The following FRAS1 variants were observed in gnomAD, a reference collection of about 807,000 sequenced individuals.
The protein encoded by FRAS1 is extracellular matrix organizing protein FRAS1.
In FRAS1, 290 loss-of-function variants were observed where a neutral mutation model predicts 435.2. The observed-to-expected ratio is 0.67, with a 90% confidence interval of 0.61 to 0.73. FRAS1 has a LOEUF of 0.73. Among genes scored for constraint, FRAS1 ranks in the 30% least tolerant of loss-of-function variants. FRAS1 has a pLI of 0.00. For missense variants in FRAS1, 4,860 were observed against 5,001.5 expected (o/e 0.97, Z 0.85); for synonymous variants, 1,800 against 1,851.0 (o/e 0.97, Z 0.71).
intron 29 of FRAS1, among the ~76,000 whole-genome samples, chr4:78,394,328 G>A (rs1336563391): frequency 6.6e-6 from 1 of 151,916 alleles, no homozygotes; most frequent in Non-Finnish European, 1.5e-5. Flanking sequence ...TTTTCTTCTA[G>A]GTCTTTCACA....
intron 14 of FRAS1, among the ~76,000 whole-genome samples, chr4:78,288,904 C>A (rs764024083): frequency 9.2e-5 from 14 of 152,250 alleles, no homozygotes; most frequent in South Asian, 4.1e-4. Context: ...TCTTCCAATA[C>A]GTGCTAAACT....
At chr4:78,457,775 C>G (rs1336314940) in intron 47 of FRAS1, among the ~76,000 whole-genome samples, 2 of 152,184 alleles carry the variant, frequency 1.3e-5, no homozygotes, top group African/African-American at 2.4e-5. Context: ...AAATTTTCCA[C>G]TTTCTACTTT....
intron 29 of FRAS1, among the ~76,000 whole-genome samples, chr4:78,399,338 G>A (rs1338536018): frequency 6.6e-6 from 1 of 152,112 alleles, no homozygotes; most frequent in East Asian, 1.9e-4. Context: ...TTCTTCTCCT[G>A]GGAGTGGTGT....
In FRAS1 at chr4:78,287,063, C is replaced by T. The variant is rs1382024119; in HGVS notation, c.1534+524C>T. Among the ~76,000 whole-genome samples the T allele has an allele frequency of 5.9e-5, 9 of 152,112 alleles. No individual in the cohort carries two copies. In the East Asian group the frequency reaches 1.7e-3, roughly 29 times the overall value. On this transcript the variant is annotated intron_variant, in intron 14 of 73. Coordinates refer to ENST00000512123, the MANE Select transcript of FRAS1 (RefSeq NM_025074.7). Reference sequence around the variant, plus strand: ...AAAGAGGTTTCATTGACTCACAGTTCTGCGTGGCTGGAGAGGCCTCAGGAA... The same window carrying T: ...AAAGAGGTTTCATTGACTCACAGTTTTGCGTGGCTGGAGAGGCCTCAGGAA...
At position 78,318,950 on chromosome 4, in the gene FRAS1, G is replaced by A. The variant is rs1185980441; in HGVS notation, c.2101G>A (p.Ala701Thr). 1.2e-6 allele frequency: 2 copies of A among 1,613,538 alleles called. No homozygotes were observed. The highest frequency in any genetic ancestry group is 1.7e-5 in the Admixed American group (1 of 59,966). ...TGGCGAGTGTCTAGCCCAGTGTAGA[G>A]CCCATTTTTACTTGGAGAGCACTGG... Reference protein sequence around the residue: ...PSGECLAQCRAHFYLESTGIC... With the variant: ...PSGECLAQCRTHFYLESTGIC... Residue 701 changes from alanine (A) to threonine (T), a missense_variant, in exon 18 of 74, where the codon GCC (alanine) becomes ACC (threonine). Physicochemically the swap from Ala to Thr is moderately conservative, Grantham distance 58 (BLOSUM62 0). Transcript: ENST00000512123.
At chr4:78,426,531 AAAGCCC>A (rs1734005052) in intron 35 of FRAS1, among the ~76,000 whole-genome samples, 1 of 152,200 alleles carries the variant, frequency 6.6e-6, no homozygotes, top group African/African-American at 2.4e-5. Context: ...AAGGCAGGAA[AAAGCCC>A]AAGAGCTGAC....
intron 2 of FRAS1, among the ~76,000 whole-genome samples, chr4:78,086,876 C>T (rs1396693073): frequency 2.6e-5 from 4 of 152,162 alleles, no homozygotes; most frequent in Non-Finnish European, 4.4e-5. Context: ...CCTTCTGAAA[C>T]TATTCCAATC....
At chr4:78,390,294 A>T (rs918504044) in intron 29 of FRAS1, among the ~76,000 whole-genome samples, 1 of 152,192 alleles carries the variant, frequency 6.6e-6, no homozygotes, top group African/African-American at 2.4e-5. Context: ...TAGGCACTAA[A>T]GCTTGATGGG....
At chr4:78,108,495 G>A (rs1467701016) in intron 2 of FRAS1, among the ~76,000 whole-genome samples, 1 of 93,400 alleles carries the variant, frequency 1.1e-5, no homozygotes, top group African/African-American at 4.8e-5. Context: ...GCTCCTGAAT[G>A]ACTACTGGGT....
intron 3 of FRAS1, 52 bp from the exon 4 acceptor site, chr4:78,245,181 G>A: frequency 8.0e-7 from 1 of 1,246,088 alleles, no homozygotes; most frequent in Admixed American, 1.9e-5. Context: ...GAACTATTGT[G>A]ACTTGGTGTG....
At chr4:78,410,614 G>C (rs1345065695) in intron 31 of FRAS1, among the ~76,000 whole-genome samples, 1 of 152,130 alleles carries the variant, frequency 6.6e-6, no homozygotes. Flanking sequence ...GTCCTCCATA[G>C]TGGCAGTGTA....
intron 20 of FRAS1, among the ~76,000 whole-genome samples, chr4:78,347,210 T>C (rs1482205240): frequency 2.0e-5 from 3 of 152,216 alleles, no homozygotes; most frequent in East Asian, 3.8e-4. Context: ...CCTTTGCTTC[T>C]TGACAACCCC....
intron 60 of FRAS1, 145 bp downstream of exon 60, chr4:78,497,106 G>A (rs368004784): frequency 1.1e-5 from 8 of 705,710 alleles, no homozygotes; most frequent in Middle Eastern, 4.0e-4. Context: ...AAATGTTGGT[G>A]GCAAATGATC....
At chr4:78,440,448 T>C (rs570992867) in intron 40 of FRAS1, among the ~76,000 whole-genome samples, 1 of 152,278 alleles carries the variant, frequency 6.6e-6, no homozygotes, top group Non-Finnish European at 1.5e-5. Flanking sequence ...ACCTTCCCCT[T>C]TGTAATTTAT....
chr4:78,304,227 C>G (rs374060038), intron 14 of FRAS1, among the ~76,000 whole-genome samples: 60 of 151,864 alleles, frequency 4.0e-4, no homozygotes, highest in South Asian at 2.9e-3. Flanking sequence ...TGGTGGATAA[C>G]CTTTTTGATG....
At chr4:78,200,782 A>G (rs1054635948) in intron 2 of FRAS1, among the ~76,000 whole-genome samples, 1 of 148,736 alleles carries the variant, frequency 6.7e-6, no homozygotes, top group Admixed American at 6.7e-5. Flanking sequence ...TATTTTCATC[A>G]CTCAAAGTAG....
chr4:78,491,082 A>G (rs759615970), intron 59 of FRAS1, among the ~76,000 whole-genome samples: 19 of 152,222 alleles, frequency 1.2e-4, no homozygotes, highest in Non-Finnish European at 2.6e-4. Flanking sequence ...GCCTGGACAC[A>G]TACGCCCTCT....
At chr4:78,342,814 G>A (rs752316520) in intron 20 of FRAS1, among the ~76,000 whole-genome samples, 20 of 152,068 alleles carry the variant, frequency 1.3e-4, no homozygotes, top group Non-Finnish European at 2.8e-4. Context: ...TAATATCAAG[G>A]GTAATATTGC....
chr4:78,448,195 G>A lies in FRAS1; in HGVS notation c.6153G>A (p.Glu2051=), dbSNP rs1197501260. 4 of 1,613,534 alleles carry A rather than the reference G, an allele frequency of 2.5e-6. No individual in the cohort carries two copies. The highest frequency in any genetic ancestry group is 3.4e-6 in the Non-Finnish European group (4 of 1,179,824). ...VPSVPGMVVD[E]FQFSLTDGLH... Reference sequence around the variant, plus strand: ...GTGTCCCTGGCATGGTCGTGGATGAGTTCCAGTTCTCCCTCACTGATGGCC... The same window carrying A: ...GTGTCCCTGGCATGGTCGTGGATGAATTCCAGTTCTCCCTCACTGATGGCC... Residue 2051 remains glutamate (E), a synonymous_variant, in exon 44 of 74, where the codon GAG becomes GAA. Coordinates refer to ENST00000512123, the MANE Select transcript of FRAS1 (RefSeq NM_025074.7).
Sources: gnomAD v4.1 joint callset for allele counts (sites outside exome capture counted in the v4.1 genomes callset) on GRCh38, gnomAD v4.1.1 for gene constraint, MANE v1.5 for transcripts, NCBI Gene and HGNC (gene_info 2026-07-23, HGNC 2026-07-21) for gene names.